Variants in FAM168A observed in about 807,000 individuals in gnomAD.
FAM168A encodes protein FAM168A.
A neutral mutation model predicts 28.5 loss-of-function variants in FAM168A; 3 were observed. That is an observed-to-expected ratio of 0.11 (90% CI 0.05 to 0.27). The LOEUF (loss-of-function observed/expected upper bound fraction) is 0.27, where lower values mean the gene tolerates loss of function less well. Ranked by LOEUF, FAM168A falls within the 10% of genes least tolerant of loss-of-function variation. The pLI, the probability that FAM168A is intolerant of heterozygous loss-of-function variation, is 1.00. For missense variants in FAM168A, 222 were observed against 311.5 expected, an observed-to-expected ratio of 0.71 and a Z score of 2.16; for synonymous variants, 122 against 124.2, an observed-to-expected ratio of 0.98 and a Z score of 0.12.
At chr11:73,505,714 G>C (rs1162001767) in intron 1 of FAM168A, among the ~76,000 whole-genome samples, 1 of 152,164 alleles carries the variant, frequency 6.6e-6, no homozygotes, top group Non-Finnish European at 1.5e-5. Context: ...CAGGTATGTG[G>C]AGAAGAACGT....
chr11:73,463,533 G>A (rs953019230), intron 2 of FAM168A, among the ~76,000 whole-genome samples: 7 of 152,200 alleles, frequency 4.6e-5, no homozygotes, highest in Admixed American at 3.3e-4. Flanking sequence ...AAACTAGTCT[G>A]AAGCTCAGAA....
At chr11:73,552,731 T>G (rs1943843999) in intron 1 of FAM168A, among the ~76,000 whole-genome samples, 1 of 152,024 alleles carries the variant, frequency 6.6e-6, no homozygotes, top group South Asian at 2.1e-4. Flanking sequence ...CCAAGATGGG[T>G]GGATCCCTTG....
chr11:73,534,081 G>A (rs1199874509), intron 1 of FAM168A, among the ~76,000 whole-genome samples: 1 of 152,172 alleles, frequency 6.6e-6, no homozygotes, highest in Non-Finnish European at 1.5e-5. Context: ...CTGTCAAACA[G>A]GGAATGAAAT....
chr11:73,445,507 C>A (rs1867296295), intron 2 of FAM168A, among the ~76,000 whole-genome samples: 1 of 138,442 alleles, frequency 7.2e-6, no homozygotes, highest in African/African-American at 2.7e-5. Flanking sequence ...TTCAAGTGAT[C>A]CTCCCTCCTC....
At chr11:73,424,713 T>C (rs545114274) in intron 3 of FAM168A, among the ~76,000 whole-genome samples, 3 of 152,322 alleles carry the variant, frequency 2.0e-5, no homozygotes, top group South Asian at 4.1e-4. Context: ...ACTGAGGAGC[T>C]GCATACAGGC....
chr11:73,492,545 G>A (rs1273632714), intron 1 of FAM168A, among the ~76,000 whole-genome samples: 2 of 152,170 alleles, frequency 1.3e-5, no homozygotes, highest in African/African-American at 2.4e-5. Flanking sequence ...GGGGGGCTGA[G>A]GCAGGAGGAT....
intron 1 of FAM168A, among the ~76,000 whole-genome samples, chr11:73,486,917 T>C (rs561835650): frequency 6.6e-6 from 1 of 152,228 alleles, no homozygotes; most frequent in Non-Finnish European, 1.5e-5. Context: ...GTTTTCAGAA[T>C]ATATGTACAA....
intron 1 of FAM168A, among the ~76,000 whole-genome samples, chr11:73,553,507 G>A (rs868149333): frequency 1.6e-4 from 24 of 152,322 alleles, no homozygotes; most frequent in Middle Eastern, 6.8e-3. Flanking sequence ...TGAGGATGGA[G>A]GACACTGAGA....
chr11:73,461,574 T>C (rs1477741848), intron 2 of FAM168A, among the ~76,000 whole-genome samples: 1 of 152,168 alleles, frequency 6.6e-6, no homozygotes, highest in East Asian at 1.9e-4. Flanking sequence ...ATAAATAGGA[T>C]GAGCAGGAGA....
At chr11:73,544,960 TATAA>T (rs1489968752) in intron 1 of FAM168A, among the ~76,000 whole-genome samples, 1 of 92,940 alleles carries the variant, frequency 1.1e-5, no homozygotes, top group African/African-American at 5.6e-5. Flanking sequence ...ATATATTATA[TATAA>T]TATATATTAT....
At chr11:73,562,486 A>C (rs1943970737) in intron 1 of FAM168A, among the ~76,000 whole-genome samples, 1 of 152,180 alleles carries the variant, frequency 6.6e-6, no homozygotes, top group Non-Finnish European at 1.5e-5. Flanking sequence ...AGACTTTTTC[A>C]TTTGATTTCT....
chr11:73,534,411 T>A (rs138021836), intron 1 of FAM168A, among the ~76,000 whole-genome samples: 2,083 of 151,510 alleles, frequency 0.014, 30 homozygotes, highest in East Asian at 0.028. Flanking sequence ...TTATTTATTT[T>A]TTTTTTTTTG....
intron 1 of FAM168A, among the ~76,000 whole-genome samples, chr11:73,539,851 A>G (rs538931813): frequency 1.3e-5 from 2 of 152,352 alleles, no homozygotes; most frequent in South Asian, 2.1e-4. Context: ...AGATGGTCTT[A>G]TAAGGATGGA....
At chr11:73,511,034 T>A (rs1855213403) in intron 1 of FAM168A, among the ~76,000 whole-genome samples, 1 of 152,074 alleles carries the variant, frequency 6.6e-6, no homozygotes, top group Non-Finnish European at 1.5e-5. Context: ...CCAAGGTCCC[T>A]TCCCACAAAA....
At chr11:73,432,633 G>T (rs770720541) in intron 2 of FAM168A, among the ~76,000 whole-genome samples, 1 of 152,030 alleles carries the variant, frequency 6.6e-6, no homozygotes, top group Non-Finnish European at 1.5e-5. Flanking sequence ...CAATTATTTG[G>T]CCGGGCGCGG....
At chr11:73,414,766 C>T (rs1312688280) in intron 4 of FAM168A, among the ~76,000 whole-genome samples, 2 of 152,348 alleles carry the variant, frequency 1.3e-5, no homozygotes, top group South Asian at 2.1e-4. Context: ...TAAGGGTATG[C>T]AGGCAGAGCC....
rs553972746 is a variant in FAM168A at position 73,521,703 on chromosome 11, G to A, written c.-18-53211C>T. Among the ~76,000 whole-genome samples, 582 of 152,268 alleles carry A rather than the reference G, an allele frequency of 3.8e-3. 5 individuals are homozygous for A. Among genetic ancestry groups the A allele is most frequent in the Non-Finnish European group, 6.3e-3 (427 of 68,016 alleles). ...AGAATGCTTTAATGGTAATAACAACGGGGAAGGGGACAATCTAGTATTTGA... is the reference window on the plus strand; with the variant it reads ...AGAATGCTTTAATGGTAATAACAACAGGGAAGGGGACAATCTAGTATTTGA... On this transcript the variant is annotated intron_variant, in intron 1 of 7. Transcript: ENST00000356467.
chr11:73,435,280 G>A (rs908083704), intron 2 of FAM168A, among the ~76,000 whole-genome samples: 2 of 152,224 alleles, frequency 1.3e-5, no homozygotes, highest in Non-Finnish European at 2.9e-5. Flanking sequence ...AAGAAAGTCA[G>A]GGGTCTAATC....
At chr11:73,552,832 C>A (rs1284421338) in intron 1 of FAM168A, among the ~76,000 whole-genome samples, 1 of 152,142 alleles carries the variant, frequency 6.6e-6, no homozygotes, top group East Asian at 1.9e-4. Context: ...TGGCACACAA[C>A]TGTAATCCCA....
Sources: allele counts gnomAD v4.1 joint callset (sites outside exome capture counted in the v4.1 genomes callset), GRCh38; gene constraint gnomAD v4.1.1; transcripts MANE v1.5; gene names NCBI Gene and HGNC (gene_info 2026-07-23, HGNC 2026-07-21).